The following CDH10 variants were observed in gnomAD, a reference collection of about 807,000 sequenced individuals.
CDH10 encodes cadherin-10.
CDH10 carries 30 observed loss-of-function variants against 73.1 expected under a neutral mutation model. The observed-to-expected ratio is 0.41, with a 90% confidence interval of 0.31 to 0.56. The LOEUF is 0.56. Among genes scored for constraint, CDH10 ranks in the 20% least tolerant of loss-of-function variants. CDH10 has a pLI of 0.27. For synonymous variants in CDH10, 345 were observed against 348.2 expected (o/e 0.99, Z 0.10); for missense variants, 815 against 973.7 (o/e 0.84, Z 2.17).
chr5:24,525,433 T>A (rs1041480484), intron 5 of CDH10, among the ~76,000 whole-genome samples: 4 of 152,068 alleles, frequency 2.6e-5, no homozygotes, highest in Non-Finnish European at 5.9e-5. Context: ...TGCACGATAA[T>A]CTCGAACAAT....
chr5:24,509,475 G>A lies in CDH10; in HGVS notation c.1256+91C>T. On this transcript the variant is annotated intron_variant, in intron 7 of 11. Transcript: ENST00000264463. Reference sequence around the variant, plus strand: ...AGGCTGGTCTCGAACTCCTGACCTCGTGATCCACCCGCCTCGGCCTCCCAA... The same window carrying A: ...AGGCTGGTCTCGAACTCCTGACCTCATGATCCACCCGCCTCGGCCTCCCAA... 6 of 1,137,310 alleles carry A rather than the reference G, an allele frequency of 5.3e-6. No individual in the cohort carries two copies. The South Asian group carries it at 7.3e-5, about 14-fold the overall frequency. The allele number at this position is 1,137,310 out of a possible 1,614,324, so 70.5% of individuals were successfully genotyped here. A position where few individuals can be genotyped will look rare whatever the true frequency, so the allele number is the denominator to read the frequency against.
chr5:24,604,082 C>G (rs1363258750), intron 1 of CDH10, among the ~76,000 whole-genome samples: 1 of 152,192 alleles, frequency 6.6e-6, no homozygotes, highest in Non-Finnish European at 1.5e-5. Flanking sequence ...TGGCATGTGG[C>G]TCACTCCTGT....
chr5:24,499,812 T>C (rs1742425514), intron 8 of CDH10, among the ~76,000 whole-genome samples: 1 of 152,246 alleles, frequency 6.6e-6, no homozygotes, highest in African/African-American at 2.4e-5. Flanking sequence ...GCATTTTTCC[T>C]ATTATAGATT....
intron 8 of CDH10, among the ~76,000 whole-genome samples, chr5:24,500,773 T>C (rs1274344719): frequency 2.0e-5 from 3 of 152,216 alleles, no homozygotes; most frequent in Admixed American, 1.3e-4. Context: ...TTATTATCAT[T>C]ATTATATCTT....
At chr5:24,491,478 T>C (rs1194321440) in intron 11 of CDH10, 98 bp downstream of exon 11, 1 of 936,986 alleles carries the variant, frequency 1.1e-6, no homozygotes, top group African/African-American at 1.7e-5. Flanking sequence ...ATCTTAAAAT[T>C]TGGGGTGGTT....
chr5:24,527,268 T>A (rs1176637357), intron 5 of CDH10, among the ~76,000 whole-genome samples: 2 of 147,974 alleles, frequency 1.4e-5, no homozygotes, highest in African/African-American at 4.9e-5. Flanking sequence ...TAGTCTTACA[T>A]ATACTTATAT....
chr5:24,610,912 G>A (rs1314144512), intron 1 of CDH10, among the ~76,000 whole-genome samples: 1 of 152,138 alleles, frequency 6.6e-6, no homozygotes, highest in Non-Finnish European at 1.5e-5. Flanking sequence ...TATGTAGTGA[G>A]GCTCAGCAAT....
chr5:24,491,924 G>T lies in CDH10; in HGVS notation c.1625-97C>A, dbSNP rs1005328118. On this transcript the variant is annotated intron_variant, in intron 10 of 11. Coordinates refer to ENST00000264463, the MANE Select transcript of CDH10 (RefSeq NM_006727.5). ...AACATATAAATAAAAACATATTTAT[G>T]TAAAATATAAAATTGATATACATTT... is the stretch of plus-strand genomic sequence containing the variant. 8 of 698,336 alleles carry T rather than the reference G, an allele frequency of 1.1e-5. No homozygotes were observed. The South Asian group carries it at 1.5e-4, about 13-fold the overall frequency. The allele number at this position is 698,336 out of a possible 1,614,324, so 43.3% of individuals were successfully genotyped here. A position where few individuals can be genotyped will look rare whatever the true frequency, so the allele number is the denominator to read the frequency against.
At chr5:24,504,675 G>A (rs373401699) in intron 8 of CDH10, among the ~76,000 whole-genome samples, 6 of 151,714 alleles carry the variant, frequency 4.0e-5, no homozygotes, top group East Asian at 1.9e-4. Flanking sequence ...ACAGGCGCCC[G>A]CCACCATGCC....
At chr5:24,546,939 A>G (rs74972667) in intron 2 of CDH10, among the ~76,000 whole-genome samples, 2,234 of 152,300 alleles carry the variant, frequency 0.015, 55 homozygotes, top group African/African-American at 0.047. Context: ...AAATGAAGTG[A>G]AAGAGAGCCA....
At chr5:24,552,460 T>A (rs891558681) in intron 2 of CDH10, among the ~76,000 whole-genome samples, 3 of 152,022 alleles carry the variant, frequency 2.0e-5, no homozygotes, top group African/African-American at 7.2e-5. Flanking sequence ...TTTCCTATAA[T>A]CTGATAGAAA....
At chr5:24,572,685 T>C (rs1404892110) in intron 2 of CDH10, among the ~76,000 whole-genome samples, 1 of 151,850 alleles carries the variant, frequency 6.6e-6, no homozygotes, top group Non-Finnish European at 1.5e-5. Flanking sequence ...AAGCCATGTA[T>C]GTATGAGACT....
intron 2 of CDH10, among the ~76,000 whole-genome samples, chr5:24,584,981 G>C (rs1472884140): frequency 6.6e-6 from 1 of 151,574 alleles, no homozygotes; most frequent in Non-Finnish European, 1.5e-5. Flanking sequence ...CTGGTAGCTG[G>C]GACTACAGGC....
At chr5:24,588,051 T>G (rs547107776) in intron 2 of CDH10, among the ~76,000 whole-genome samples, 5 of 152,312 alleles carry the variant, frequency 3.3e-5, no homozygotes, top group African/African-American at 1.2e-4. Context: ...CTAGAGATTT[T>G]AATATAGGTT....
At chr5:24,582,656 A>T (rs1187703138) in intron 2 of CDH10, among the ~76,000 whole-genome samples, 1 of 152,198 alleles carries the variant, frequency 6.6e-6, no homozygotes, top group African/African-American at 2.4e-5. Context: ...CATAAAGGTC[A>T]ATTAATAAAG....
At chr5:24,602,866 A>G (rs1362750576) in intron 1 of CDH10, among the ~76,000 whole-genome samples, 1 of 152,178 alleles carries the variant, frequency 6.6e-6, no homozygotes, top group African/African-American at 2.4e-5. Context: ...GAATAAAAAT[A>G]TGGAGTCATA....
chr5:24,611,863 T>C (rs553597450), intron 1 of CDH10: 4 of 152,234 alleles, frequency 2.6e-5, no homozygotes, highest in South Asian at 2.1e-4. Context: ...AAGAGGATCA[T>C]GGAGTCAAGA....
intron 5 of CDH10, among the ~76,000 whole-genome samples, chr5:24,520,485 T>C (rs1175435855): frequency 1.3e-5 from 2 of 152,188 alleles, no homozygotes; most frequent in Non-Finnish European, 2.9e-5. Context: ...CATAGTTACA[T>C]ACACATACAC....
intron 8 of CDH10, among the ~76,000 whole-genome samples, chr5:24,504,336 A>T (rs1474182397): frequency 6.6e-6 from 1 of 151,854 alleles, no homozygotes; most frequent in Non-Finnish European, 1.5e-5. Context: ...TTGTTAACAA[A>T]TTTTTATCTT....
Sources: allele counts gnomAD v4.1 joint callset (sites outside exome capture counted in the v4.1 genomes callset), GRCh38; gene constraint gnomAD v4.1.1; transcripts MANE v1.5; gene names NCBI Gene and HGNC (gene_info 2026-07-23, HGNC 2026-07-21).